The following TULP4 variants were observed in gnomAD, a reference collection of about 807,000 sequenced individuals.
TULP4 encodes the protein tubby-related protein 4.
A neutral mutation model predicts 129.0 loss-of-function variants in TULP4; 16 were observed. The observed-to-expected ratio is 0.12, with a 90% confidence interval of 0.08 to 0.19. TULP4 has a LOEUF of 0.19. TULP4 is among the 10% of genes least tolerant of loss of function. The pLI, the probability that TULP4 is intolerant of heterozygous loss-of-function variation, is 1.00. For synonymous variants in TULP4, 998 were observed against 854.0 expected, an observed-to-expected ratio of 1.17 and a Z score of -2.94; for missense variants, 1,842 against 2,059.1, an observed-to-expected ratio of 0.89 and a Z score of 2.04.
chr6:158,503,281 C>T lies in TULP4; in HGVS notation c.3618C>T (p.Pro1206=). The T allele has an allele frequency of 1.2e-6, 2 of 1,613,986 alleles. No homozygotes were observed. The highest frequency in any genetic ancestry group is 2.7e-5 in the African/African-American group (2 of 75,004). The change falls in exon 13 of 14, where the codon CCC becomes CCT. Residue 1206 remains proline (P), a synonymous_variant. Coordinates refer to ENST00000367097, the MANE Select transcript of TULP4 (RefSeq NM_020245.5). The surrounding 1 kb of genome is among the most constrained non-coding windows in gnomAD (Gnocchi z 4.3). ...NNPPLPGVQA[P]CSPKDALSPT... The stretch of plus-strand genomic sequence containing the variant: ...CCCCTTTGCCTGGAGTGCAGGCTCC[C>T]TGCTCTCCCAAAGATGCCCTGTCCC...
At chr6:158,423,125 G>A (rs905416622) in intron 2 of TULP4, among the ~76,000 whole-genome samples, 9 of 102,936 alleles carry the variant, frequency 8.7e-5, no homozygotes, top group African/African-American at 3.0e-4. Flanking sequence ...AAAAAAGAGG[G>A]GGGGGGGGGG....
At chr6:158,480,734 G>A (rs1779922191) in intron 7 of TULP4, among the ~76,000 whole-genome samples, 1 of 151,492 alleles carries the variant, frequency 6.6e-6, no homozygotes, top group Non-Finnish European at 1.5e-5. Context: ...GATTCTACAC[G>A]AGCAGATCTC....
chr6:158,420,375 A>C (rs1468577658), intron 2 of TULP4, among the ~76,000 whole-genome samples: 1 of 152,234 alleles, frequency 6.6e-6, no homozygotes, highest in Non-Finnish European at 1.5e-5. Context: ...TTAAATAAAA[A>C]ACAGATTTCC....
intron 1 of TULP4, among the ~76,000 whole-genome samples, chr6:158,348,015 T>G (rs1780352317): frequency 6.6e-6 from 1 of 152,032 alleles, no homozygotes; most frequent in Non-Finnish European, 1.5e-5. Context: ...ATTTGAACAT[T>G]TATGTTTTAG....
intron 8 of TULP4, chr6:158,481,522 G>A (rs1425480294): frequency 1.7e-5 from 10 of 571,688 alleles, no homozygotes; most frequent in African/African-American, 5.6e-5. Flanking sequence ...ATAGCTGGGC[G>A]GTGGATAGAT....
chr6:158,437,372 G>C (rs1778774691), intron 3 of TULP4, among the ~76,000 whole-genome samples: 1 of 152,034 alleles, frequency 6.6e-6, no homozygotes, highest in African/African-American at 2.4e-5. Context: ...GACCAACCAG[G>C]GTAATGTAGC....
At chr6:158,479,693 T>G in intron 6 of TULP4, 58 bp from the exon 7 acceptor site, 1 of 1,543,566 alleles carries the variant, frequency 6.5e-7, no homozygotes, top group Non-Finnish European at 8.9e-7. Flanking sequence ...GCATTATCCC[T>G]TTTTGCTTCC....
At chr6:158,273,368 G>A in intron 1 of TULP4, among the ~76,000 whole-genome samples, 1 of 152,000 alleles carries the variant, frequency 6.6e-6, no homozygotes, top group East Asian at 1.9e-4. Flanking sequence ...GGTTCCACAG[G>A]GCTCACCACT....
intron 1 of TULP4, among the ~76,000 whole-genome samples, chr6:158,370,573 A>C (rs578054011): frequency 6.6e-6 from 1 of 151,504 alleles, no homozygotes; most frequent in South Asian, 2.1e-4. Flanking sequence ...CCCAAATTAC[A>C]TAAGTCTTCA....
At chr6:158,258,237 G>A (rs2128456093) in intron 1 of TULP4, among the ~76,000 whole-genome samples, 1 of 152,150 alleles carries the variant, frequency 6.6e-6, no homozygotes, top group South Asian at 2.1e-4. Context: ...ATGCTGCATG[G>A]ATGGGGCCAG....
intron 1 of TULP4, among the ~76,000 whole-genome samples, chr6:158,305,320 T>TGTGC (rs1438659408): frequency 1.8e-5 from 2 of 110,814 alleles, no homozygotes; most frequent in African/African-American, 7.0e-5. Flanking sequence ...TTTCATTCTG[T>TGTGC]GTGCGTGTGT....
intron 1 of TULP4, chr6:158,242,375 G>T: frequency 6.6e-7 from 1 of 1,503,950 alleles, no homozygotes; most frequent in South Asian, 1.1e-5. Context: ...CTGCTGAAGG[G>T]TTTGTTTTCC....
At chr6:158,298,001 T>C (rs1019957922) in intron 1 of TULP4, among the ~76,000 whole-genome samples, 3 of 152,066 alleles carry the variant, frequency 2.0e-5, no homozygotes, top group African/African-American at 7.2e-5. Context: ...AGGAATGCAA[T>C]TCTTTTCCTA....
intron 1 of TULP4, among the ~76,000 whole-genome samples, chr6:158,247,434 G>T (rs761768517): frequency 6.6e-6 from 1 of 152,200 alleles, no homozygotes; most frequent in Non-Finnish European, 1.5e-5. Context: ...AGACTCATTC[G>T]TATCTGCTTT....
At chr6:158,377,519 C>G (rs1777219146) in intron 1 of TULP4, among the ~76,000 whole-genome samples, 1 of 152,168 alleles carries the variant, frequency 6.6e-6, no homozygotes, top group Non-Finnish European at 1.5e-5. Context: ...GTAATTTGCC[C>G]TAGAATTGCA....
chr6:158,389,928 T>C (rs1302335690), intron 1 of TULP4, among the ~76,000 whole-genome samples: 2 of 152,092 alleles, frequency 1.3e-5, no homozygotes, highest in Non-Finnish European at 2.9e-5. Context: ...CTGGCTAACA[T>C]GGTGAAACCC....
chr6:158,461,795 A>G, intron 6 of TULP4, 66 bp downstream of exon 6: 2 of 1,499,658 alleles, frequency 1.3e-6, no homozygotes, highest in Non-Finnish European at 9.0e-7. Context: ...TATTATAATT[A>G]TTGTTGACAA....
chr6:158,238,790 A>G (rs2128442771), intron 1 of TULP4, among the ~76,000 whole-genome samples: 1 of 103,378 alleles, frequency 9.7e-6, no homozygotes, highest in East Asian at 2.8e-4. Flanking sequence ...AATTTTTCTT[A>G]GTGCAGAACA....
At chr6:158,237,013 G>A (rs2128441726) in intron 1 of TULP4, among the ~76,000 whole-genome samples, 1 of 151,766 alleles carries the variant, frequency 6.6e-6, no homozygotes, top group Middle Eastern at 3.4e-3. Context: ...GTTTCACTGT[G>A]TTGGCCAGGC....
Sources: allele counts gnomAD v4.1 joint callset (sites outside exome capture counted in the v4.1 genomes callset), GRCh38; gene constraint gnomAD v4.1.1; non-coding constraint Gnocchi (gnomAD v3.1); transcripts MANE v1.5; gene names NCBI Gene and HGNC (gene_info 2026-07-23, HGNC 2026-07-21).